Variants in SLX4 observed in about 807,000 individuals in gnomAD.
SLX4 encodes the protein structure-specific endonuclease subunit SLX4.
SLX4 carries 112 observed loss-of-function variants against 146.2 expected under a neutral mutation model. The ratio of observed to expected loss-of-function variants is 0.77; its 90% CI spans 0.66 to 0.90. The LOEUF is 0.90. Ranked by LOEUF, SLX4 falls within the 40% of genes least tolerant of loss-of-function variation. SLX4 has a pLI of 0.00. For missense variants in SLX4, 2,563 were observed against 2,392.7 expected, an observed-to-expected ratio of 1.07 and a Z score of -1.49; for synonymous variants, 1,061 against 997.7, an observed-to-expected ratio of 1.06 and a Z score of -1.20.
At chr16:3,593,654 C>A (rs1349722237) in intron 10 of SLX4, among the ~76,000 whole-genome samples, 3 of 152,232 alleles carry the variant, frequency 2.0e-5, no homozygotes, top group East Asian at 1.9e-4. Flanking sequence ...ATTCCAGGAC[C>A]CCGTTAAGAG....
Position 3,590,576 on chromosome 16 carries a change from C to G in SLX4, c.3062G>C (p.Arg1021Pro), listed in dbSNP as rs200842643. 4.5e-5 allele frequency: 72 copies of G among 1,612,740 alleles called. No homozygotes were observed. The highest frequency in any genetic ancestry group is 6.1e-5 in the Non-Finnish European group (72 of 1,178,916). Reference sequence around the variant, plus strand: ...TGGAGATGCCTGCCAGGGAGCCAGGCGATGAGAAACCTCCAGCCCCCTTTC... The same window carrying G: ...TGGAGATGCCTGCCAGGGAGCCAGGGGATGAGAAACCTCCAGCCCCCTTTC... ...VRERGLEVSHRLAPWQASPPH... is the reference protein window; with the variant it reads ...VRERGLEVSHPLAPWQASPPH... The change falls in exon 12 of 15, where the codon CGC becomes CCC. Residue 1021 changes from arginine (R) to proline (P), a missense_variant. Transcript: ENST00000294008. The surrounding 1 kb of genome is among the most constrained non-coding windows in gnomAD (Gnocchi z 4.8).
Position 3,589,616 on chromosome 16 carries a change from C to T in SLX4, c.4022G>A (p.Arg1341Lys). ...GTSDGRRQGH[R>K]SPSRPHPGGH... ...CCCGGGGTGGGGACGGGAAGGGCTT[C>T]TGTGGCCTTGCCTTCTGCCGTCAGA... Residue 1341 changes from arginine (R) to lysine (K), a missense_variant, in exon 12 of 15, where the codon AGA (arginine) becomes AAA (lysine). By Grantham distance (26) the Arg-to-Lys change is conservative (BLOSUM62 2). Transcript: ENST00000294008. This position sits in a 1 kb window ranked among gnomAD's most constrained non-coding sequence, Gnocchi z 6.2. 1 of 1,613,904 alleles carries T rather than the reference C, an allele frequency of 6.2e-7. No homozygotes were observed. The highest frequency in any genetic ancestry group is 8.5e-7 in the Non-Finnish European group (1 of 1,180,026).
Position 3,595,815 on chromosome 16 carries a change from G to A in SLX4, c.1925-122C>T, listed in dbSNP as rs2040646025. On this transcript the variant is annotated intron_variant, in intron 8 of 14. Coordinates refer to ENST00000294008, the MANE Select transcript of SLX4 (RefSeq NM_032444.4). The stretch of plus-strand genomic sequence containing the variant: ...GTGCCTCGGAAGGTGCTTGCTATCC[G>A]AGGACACCTTCATGCAAAGCAAACC... 7 of 1,146,612 alleles carry A rather than the reference G, an allele frequency of 6.1e-6. No homozygotes were observed. The highest frequency in any genetic ancestry group is 2.5e-5 in the East Asian group (1 of 39,410). The allele number at this position is 1,146,612 out of a possible 1,614,324, so 71.0% of individuals were successfully genotyped here.
Position 3,582,228 on chromosome 16 carries a change from G to A in SLX4, c.*114C>T. On this transcript the variant is annotated 3_prime_UTR_variant, in exon 15 of 15. Coordinates refer to ENST00000294008, the MANE Select transcript of SLX4 (RefSeq NM_032444.4). ...CAGCGCAGAGCTGATGTGGTCCCCA[G>A]GCCCAGAAATGCCTGTGGAGGCCTG... The A allele has an allele frequency of 1.2e-6, 1 of 841,790 alleles. No homozygotes were observed. Among genetic ancestry groups the A allele is most frequent in the Non-Finnish European group, 1.9e-6 (1 of 530,062 alleles). The allele number at this position is 841,790 out of a possible 1,614,324, so 52.1% of individuals were successfully genotyped here.
chr16:3,582,796 C>A (rs1429391581), intron 14 of SLX4, 103 bp from the exon 15 acceptor site: 12 of 1,134,926 alleles, frequency 1.1e-5, no homozygotes, highest in Non-Finnish European at 1.4e-5. Context: ...TCCCATGGAG[C>A]CTGGCCTGTG....
At position 3,597,526 on chromosome 16, in the gene SLX4, C is replaced by T; in HGVS notation, c.1536G>A (p.Gly512=). ...GAGGACACTGGCCCGCTCTTTCCCA[C>T]CCTTCCTTTAAAATCCTGCTGGCAG... ...PLPASRILKE[G]WERAGQCPPP... is the part of the protein sequence containing the mutation. Residue 512 remains glycine (G), a synonymous_variant, in exon 7 of 15, where the codon GGG becomes GGA. Transcript: ENST00000294008. This position sits in a 1 kb window ranked among gnomAD's most constrained non-coding sequence, Gnocchi z 4.4. The T allele has an allele frequency of 1.2e-6, 2 of 1,614,174 alleles. No individual in the cohort carries two copies. Among genetic ancestry groups the T allele is most frequent in the Non-Finnish European group, 1.7e-6 (2 of 1,180,050 alleles).
At chr16:3,607,666 G>A (rs907413570) in intron 2 of SLX4, among the ~76,000 whole-genome samples, 3 of 152,210 alleles carry the variant, frequency 2.0e-5, no homozygotes, top group Middle Eastern at 3.4e-3. Context: ...GCCTGGGTGA[G>A]AGACCAAGAT....
In SLX4 at chr16:3,608,451, G is replaced by A. The variant is rs746707388; in HGVS notation, c.514C>T (p.Leu172Phe). The A allele has an allele frequency of 1.2e-6, 2 of 1,614,214 alleles. No homozygotes were observed. Among genetic ancestry groups the A allele is most frequent in the Non-Finnish European group, 1.7e-6 (2 of 1,180,042 alleles). Residue 172 changes from leucine (L) to phenylalanine (F), a missense_variant, in exon 2 of 15, where the codon CTT (leucine) becomes TTT (phenylalanine). Coordinates refer to ENST00000294008, the MANE Select transcript of SLX4 (RefSeq NM_032444.4). ...TGNQQEPSPN[L>F]SREKTRENVP... ...TTACCTCTGGTTTTCTCTCTGGAAA[G>A]GTTTGGCGATGGTTCTTGCTGGTTA...
chr16:3,587,849 G>A (rs892689360), intron 12 of SLX4, among the ~76,000 whole-genome samples: 1 of 152,204 alleles, frequency 6.6e-6, no homozygotes, highest in Non-Finnish European at 1.5e-5. Context: ...CCGCAGGCAG[G>A]TGCTCACTCA....
chr16:3,598,170 G>C (rs979091716), intron 5 of SLX4, among the ~76,000 whole-genome samples, 171 bp from the exon 6 acceptor site: 3 of 152,204 alleles, frequency 2.0e-5, no homozygotes, highest in South Asian at 2.1e-4. Flanking sequence ...TTCAATTCCA[G>C]GCCAGAAGTT....
At position 3,597,380 on chromosome 16, in the gene SLX4, T is replaced by C; in HGVS notation, c.1682A>G (p.Gln561Arg). 6.4e-7 allele frequency: 1 copy of C among 1,562,816 alleles called. No homozygotes were observed. Among genetic ancestry groups the C allele is most frequent in the Admixed American group, 1.9e-5 (1 of 53,392 alleles). Residue 561 changes from glutamine (Q) to arginine (R), a missense_variant and splice_region_variant, in exon 7 of 15, where the codon CAG (glutamine) becomes CGG (arginine). By Grantham distance (43) the Gln-to-Arg change is conservative. Transcript: ENST00000294008. This position sits in a 1 kb window ranked among gnomAD's most constrained non-coding sequence, Gnocchi z 4.4. Reference protein sequence around the residue: ...VPPLVPQRPAQGLMQEPVPPL... With the variant: ...VPPLVPQRPARGLMQEPVPPL... ...ATGTGCCTGAGGGGAGGGACTCACC[T>C]GGGCAGGCCGCTGGGGCACGAGAGG...
At position 3,609,214 on chromosome 16, in the gene SLX4, C is replaced by G. The variant is rs1025324044; in HGVS notation, c.-250G>C. 6 of 444,974 alleles carry G rather than the reference C, an allele frequency of 1.3e-5. No homozygotes were observed. Among genetic ancestry groups the G allele is most frequent in the African/African-American group, 1.2e-4 (6 of 50,828 alleles). The allele number at this position is 444,974 out of a possible 1,614,324, so 27.6% of individuals were successfully genotyped here. A position where few individuals can be genotyped will look rare whatever the true frequency, so the allele number is the denominator to read the frequency against. Reference sequence around the variant, plus strand: ...CTGAGGTCAGAAGTTCGAGACCAGCCTGGCCAATATGGTGAAACCTCGTTT... The same window carrying G: ...CTGAGGTCAGAAGTTCGAGACCAGCGTGGCCAATATGGTGAAACCTCGTTT... On this transcript the variant is annotated 5_prime_UTR_variant, in exon 2 of 15. Transcript: ENST00000294008.
rs199912910 is a variant in SLX4, at chr16:3,606,525, G to A, written c.709C>T (p.Arg237Trp). Reference protein sequence around the residue: ...ASEECSLEAAREENVPKDPQE... With the variant: ...ASEECSLEAAWEENVPKDPQE... ...GGATCCTTTGGGACATTTTCTTCCCGCGCAGCCTCGAGGGAGCACTCTTCT... is the reference window on the plus strand; with the variant it reads ...GGATCCTTTGGGACATTTTCTTCCCACGCAGCCTCGAGGGAGCACTCTTCT... Residue 237 changes from arginine to tryptophan, a missense_variant, in exon 3 of 15, where the codon CGG becomes TGG. By Grantham distance (101) the Arg-to-Trp change is moderately radical. Coordinates refer to ENST00000294008, the MANE Select transcript of SLX4 (RefSeq NM_032444.4). 3.9e-5 allele frequency: 63 copies of A among 1,614,136 alleles called. No homozygotes were observed. The East Asian group carries it at 4.2e-4, about 11-fold the overall frequency.
At chr16:3,599,201 T>G (rs1210976234) in intron 5 of SLX4, among the ~76,000 whole-genome samples, 1 of 152,216 alleles carries the variant, frequency 6.6e-6, no homozygotes, top group Non-Finnish European at 1.5e-5. Flanking sequence ...GATGCGCTCC[T>G]CCACCAAGAG....
rs1278781339 is a variant in SLX4 at position 3,591,261 on chromosome 16, T to C, written c.2377A>G (p.Thr793Ala). Residue 793 changes from threonine (T) to alanine (A), a missense_variant, in exon 12 of 15, where the codon ACT (threonine) becomes GCT (alanine). By Grantham distance (58) the Thr-to-Ala change is moderately conservative. Transcript: ENST00000294008. The part of the protein sequence containing the change: ...VHLCEQVPIA[T>A]DSEGKPWEEK... Reference sequence around the variant, plus strand: ...TCCCATGGTTTGCCCTCTGAGTCAGTGGCAATAGGCACCTGTTCGCACAGG... The same window carrying C: ...TCCCATGGTTTGCCCTCTGAGTCAGCGGCAATAGGCACCTGTTCGCACAGG... The C allele has an allele frequency of 6.2e-7, 1 of 1,612,890 alleles. No individual in the cohort carries two copies. Among genetic ancestry groups the C allele is most frequent in the African/African-American group, 1.3e-5 (1 of 74,918 alleles).
At position 3,589,937 on chromosome 16, in the gene SLX4, G is replaced by A. The variant is rs186036075; in HGVS notation, c.3701C>T (p.Ala1234Val). The change falls in exon 12 of 15, where the codon GCT becomes GTT. Residue 1234 changes from alanine (A) to valine (V), a missense_variant. Physicochemically the swap from Ala to Val is moderately conservative, Grantham distance 64. Transcript: ENST00000294008. The surrounding 1 kb of genome is among the most constrained non-coding windows in gnomAD (Gnocchi z 6.2). ...CTCACGGTCACAGAACAGCCAGGGA[G>A]CCCCTCTCCTGCCCAAAGAGCCCCG... ...ENRGSLGRRG[A>V]PWLFCDRESS... The A allele has an allele frequency of 9.3e-6, 15 of 1,613,858 alleles. No homozygotes were observed. In the African/African-American group the frequency reaches 1.9e-4, roughly 20 times the overall value.
At position 3,589,144 on chromosome 16, in the gene SLX4, C is replaced by G; in HGVS notation, c.4494G>C (p.Leu1498=). The G allele has an allele frequency of 1.2e-6, 2 of 1,614,142 alleles. No individual in the cohort carries two copies. ...LQEKSSGAGS[L]GNSRPSFLNS... Reference sequence around the variant, plus strand: ...TCAGAAAGCTCGGCCTGCTATTCCCCAGGGAGCCCGCGCCCGAGGACTTCT... The same window carrying G: ...TCAGAAAGCTCGGCCTGCTATTCCCGAGGGAGCCCGCGCCCGAGGACTTCT... Residue 1498 remains leucine, a synonymous_variant, in exon 12 of 15, where the codon CTG becomes CTC. Coordinates refer to ENST00000294008, the MANE Select transcript of SLX4 (RefSeq NM_032444.4). The surrounding 1 kb of genome is among the most constrained non-coding windows in gnomAD (Gnocchi z 6.2).
intron 1 of SLX4, among the ~76,000 whole-genome samples, chr16:3,610,951 G>A (rs1468462035): frequency 2.0e-5 from 3 of 152,158 alleles, no homozygotes; most frequent in Non-Finnish European, 4.4e-5. Flanking sequence ...GGAGCGGCTG[G>A]AACAAATTCC....
At chr16:3,601,227 C>T (rs756211902) in intron 4 of SLX4, 36 bp from the exon 5 acceptor site, 4 of 1,607,482 alleles carry the variant, frequency 2.5e-6, no homozygotes, top group Non-Finnish European at 3.4e-6. Context: ...GAACCACCCT[C>T]CCCAGGAATG....
Sources: allele counts gnomAD v4.1 joint callset (sites outside exome capture counted in the v4.1 genomes callset), GRCh38; gene constraint gnomAD v4.1.1; non-coding constraint Gnocchi (gnomAD v3.1); transcripts MANE v1.5; gene names NCBI Gene and HGNC (gene_info 2026-07-23, HGNC 2026-07-21).